ZPLD1: variants seen among roughly 807,000 people sequenced by gnomAD.
ZPLD1 encodes the protein zona pellucida-like domain-containing protein 1.
In ZPLD1, 34 loss-of-function variants were observed where a neutral mutation model predicts 47.2. The ratio of observed to expected loss-of-function variants is 0.72; its 90% CI spans 0.55 to 0.96. The LOEUF is 0.96. Among genes scored for constraint, ZPLD1 ranks in the 40% least tolerant of loss-of-function variants. ZPLD1 has a pLI of 0.00. For synonymous variants in ZPLD1, 176 were observed against 186.2 expected, an observed-to-expected ratio of 0.95 and a Z score of 0.45; for missense variants, 512 against 505.8, an observed-to-expected ratio of 1.01 and a Z score of -0.12.
At chr3:102,456,674 T>C (rs1707422568) in intron 5 of ZPLD1, among the ~76,000 whole-genome samples, 1 of 152,178 alleles carries the variant, frequency 6.6e-6, no homozygotes, top group South Asian at 2.1e-4. Flanking sequence ...GTTGTCTGCC[T>C]TGGGTTCTCT....
Position 102,438,599 on chromosome 3 carries a change from T to G in ZPLD1, c.106+6T>G. ...CCTCCACAGTAGATTTCCTGGTAAGTGTAAGCCTAATCTATTCTCTAGTTG... is the reference window on the plus strand; with the variant it reads ...CCTCCACAGTAGATTTCCTGGTAAGGGTAAGCCTAATCTATTCTCTAGTTG... On this transcript the variant is annotated splice_donor_region_variant and intron_variant, in intron 3 of 11. Coordinates refer to ENST00000466937, the MANE Select transcript of ZPLD1 (RefSeq NM_001329788.2). The G allele has an allele frequency of 1.2e-6, 2 of 1,600,106 alleles. No homozygotes were observed. The highest frequency in any genetic ancestry group is 8.6e-7 in the Non-Finnish European group (1 of 1,167,398).
chr3:102,406,588 G>T (rs1706688202), intron 7 of ZPLD1, among the ~76,000 whole-genome samples: 1 of 151,822 alleles, frequency 6.6e-6, no homozygotes, highest in African/African-American at 2.4e-5. Context: ...ATCGATTATG[G>T]TTAACTTCAC....
intron 6 of ZPLD1, among the ~76,000 whole-genome samples, chr3:102,459,637 G>T (rs912905562): frequency 4.6e-5 from 7 of 152,074 alleles, no homozygotes; most frequent in Admixed American, 1.3e-4. Context: ...CCAATTTTTT[G>T]ATATTAGACT....
At position 102,453,020 on chromosome 3, in the gene ZPLD1, C is replaced by T. The variant is rs993714277; in HGVS notation, c.208C>T (p.Leu70=). 43 of 1,613,974 alleles carry T rather than the reference C, an allele frequency of 2.7e-5. No individual in the cohort carries two copies. The highest frequency in any genetic ancestry group is 3.6e-5 in the Non-Finnish European group (42 of 1,180,008). Reference sequence around the variant, plus strand: ...GGGTTATTCGGAAACAGATCTGGCACTGAATGGAAGGCATGGGGACTCCCA... The same window carrying T: ...GGGTTATTCGGAAACAGATCTGGCATTGAATGGAAGGCATGGGGACTCCCA... ...FSGYSETDLA[L]NGRHGDSHCR... Residue 70 remains leucine (L), a synonymous_variant, in exon 4 of 12, where the codon CTG becomes TTG. Transcript: ENST00000466937.
intron 10 of ZPLD1, among the ~76,000 whole-genome samples, chr3:102,472,881 C>T (rs1707706294): frequency 1.3e-5 from 2 of 152,260 alleles, no homozygotes; most frequent in Non-Finnish European, 2.9e-5. Flanking sequence ...CATTCTCATG[C>T]TGCTAATAAA....
At chr3:102,388,428 A>AGT (rs1706457253) in intron 6 of ZPLD1, among the ~76,000 whole-genome samples, 1 of 96,328 alleles carries the variant, frequency 1.0e-5, no homozygotes, top group African/African-American at 3.6e-5. Flanking sequence ...TCTCTCCTGG[A>AGT]GTCTCTCTCT....
chr3:102,391,155 A>G lies in ZPLD1; in HGVS notation c.-212-1015A>G, dbSNP rs1706490696. On this transcript the variant is annotated intron_variant, in intron 6 of 17. Transcript: ENST00000491959. ...TTTGGAGAGAGAGCTTATGGATTCT[A>G]GCTTCTAAACTTAAATTCTGCAACT... 2.0e-5 allele frequency among the ~76,000 whole-genome samples: 3 copies of G among 152,312 alleles called. No individual in the cohort carries two copies. In the South Asian group the frequency reaches 6.2e-4, roughly 32 times the overall value.
At chr3:102,472,269 C>T (rs948925098) in intron 10 of ZPLD1, among the ~76,000 whole-genome samples, 5 of 152,126 alleles carry the variant, frequency 3.3e-5, no homozygotes, top group Non-Finnish European at 4.4e-5. Context: ...CGGTGGCTCA[C>T]GCCTGTAATC....
At chr3:102,404,884 G>T (rs938282508) in intron 7 of ZPLD1, among the ~76,000 whole-genome samples, 2 of 151,876 alleles carry the variant, frequency 1.3e-5, no homozygotes, top group African/African-American at 4.8e-5. Context: ...ACAAGGTTAC[G>T]TATTATATAA....
chr3:102,407,397 A>ATATATATATT (rs1706701100), intron 7 of ZPLD1, among the ~76,000 whole-genome samples: 1 of 33,518 alleles, frequency 3.0e-5, no homozygotes, highest in East Asian at 7.6e-4. Flanking sequence ...TTTCAAATAT[A>ATATATATATT]TATATATATA....
chr3:102,476,871 C>G, intron 10 of ZPLD1, 141 bp from the exon 11 acceptor site: 1 of 914,792 alleles, frequency 1.1e-6, no homozygotes, highest in Non-Finnish European at 1.7e-6. Context: ...TCATTTTTGC[C>G]TTACTCAAGG....
intron 8 of ZPLD1, among the ~76,000 whole-genome samples, chr3:102,420,098 G>A (rs1236123986): frequency 6.6e-6 from 1 of 151,734 alleles, no homozygotes; most frequent in African/African-American, 2.4e-5. Flanking sequence ...ATTATTAGAT[G>A]TCTAAGTTGA....
chr3:102,418,704 C>T (rs1307122772), intron 8 of ZPLD1, among the ~76,000 whole-genome samples: 4 of 151,900 alleles, frequency 2.6e-5, no homozygotes, highest in African/African-American at 7.3e-5. Context: ...TTCTATTGCA[C>T]CAGAGAAGCT....
intron 2 of ZPLD1, among the ~76,000 whole-genome samples, chr3:102,437,901 C>T (rs1485962686): frequency 1.3e-5 from 2 of 152,194 alleles, no homozygotes; most frequent in Non-Finnish European, 2.9e-5. Context: ...TTTGCTTTAT[C>T]ACTATGTTTC....
At chr3:102,453,433 G>A (rs1707369743) in intron 4 of ZPLD1, among the ~76,000 whole-genome samples, 1 of 152,146 alleles carries the variant, frequency 6.6e-6, no homozygotes, top group South Asian at 2.1e-4. Context: ...TTTAGCATTA[G>A]CCATATTCCT....
intron 2 of ZPLD1, among the ~76,000 whole-genome samples, chr3:102,437,297 TGA>T (rs1252022021): frequency 1.3e-5 from 2 of 152,230 alleles, no homozygotes; most frequent in African/African-American, 4.8e-5. Context: ...AGTCGATTTT[TGA>T]GAGTGAGCAT....
intron 7 of ZPLD1, among the ~76,000 whole-genome samples, chr3:102,406,831 G>C (rs1263506110): frequency 6.6e-6 from 1 of 151,838 alleles, no homozygotes; most frequent in African/African-American, 2.4e-5. Context: ...AAATCGTTCA[G>C]AATTGCATTT....
chr3:102,476,853 G>A (rs116626839), intron 10 of ZPLD1, among the ~76,000 whole-genome samples, 159 bp from the exon 11 acceptor site: 243 of 152,142 alleles, frequency 1.6e-3, no homozygotes, highest in African/African-American at 5.6e-3. Context: ...AATGGTTTAG[G>A]GGGACTTTCA....
chr3:102,391,932 C>A (rs1288070563), intron 6 of ZPLD1, among the ~76,000 whole-genome samples: 2 of 151,996 alleles, frequency 1.3e-5, no homozygotes, highest in Admixed American at 1.3e-4. Context: ...CTTTTTCGAG[C>A]TCATAGCTAA....
Sources: allele counts gnomAD v4.1 joint callset (sites outside exome capture counted in the v4.1 genomes callset), GRCh38; gene constraint gnomAD v4.1.1; transcripts MANE v1.5; gene names NCBI Gene and HGNC (gene_info 2026-07-23, HGNC 2026-07-21).